Variants in WWOX observed in about 807,000 individuals in gnomAD.
The protein encoded by WWOX is WW domain-containing oxidoreductase.
In WWOX, 69 loss-of-function variants were observed where a neutral mutation model predicts 46.2. That is an observed-to-expected ratio of 1.49 (90% CI 1.23 to 1.82). WWOX has a LOEUF of 1.82. Ranked by LOEUF, WWOX falls within the 40% of genes most tolerant of loss-of-function variation. WWOX has a pLI of 0.00. For missense variants in WWOX, 919 were observed against 542.6 expected, an observed-to-expected ratio of 1.69 and a Z score of -6.89; for synonymous variants, 359 against 202.6, an observed-to-expected ratio of 1.77 and a Z score of -6.56.
At chr16:78,508,183 A>AT (rs35082651) in intron 8 of WWOX, among the ~76,000 whole-genome samples, 21 of 151,164 alleles carry the variant, frequency 1.4e-4, no homozygotes, top group East Asian at 3.9e-4. Context: ...TAATTTTTGT[A>AT]TTTTTTTAGT....
intron 8 of WWOX, among the ~76,000 whole-genome samples, chr16:78,975,172 A>C (rs150601135): frequency 2.9e-4 from 44 of 152,346 alleles, no homozygotes; most frequent in African/African-American, 9.4e-4. Context: ...TGTTTTACTT[A>C]GTTATGACTT....
At chr16:78,524,028 T>G (rs547844305) in intron 8 of WWOX, among the ~76,000 whole-genome samples, 9 of 152,160 alleles carry the variant, frequency 5.9e-5, no homozygotes, top group Middle Eastern at 3.4e-3. Flanking sequence ...GTGGATCACA[T>G]GGGAGCTTTC....
chr16:78,234,765 CA>C (rs1443207705), intron 5 of WWOX, among the ~76,000 whole-genome samples: 1 of 145,038 alleles, frequency 6.9e-6, no homozygotes, highest in Non-Finnish European at 1.5e-5. Flanking sequence ...AATAGAGGTA[CA>C]ATGATAAAAC....
At chr16:78,312,394 T>TTTTTTTTTAA (rs77756746) in intron 5 of WWOX, among the ~76,000 whole-genome samples, 1 of 151,350 alleles carries the variant, frequency 6.6e-6, no homozygotes, top group African/African-American at 2.4e-5. Context: ...TTTTTTTTTT[T>TTTTTTTTTAA]AAGACGGAGT....
At chr16:78,368,491 G>C (rs72796016) in intron 5 of WWOX, among the ~76,000 whole-genome samples, 8,078 of 152,204 alleles carry the variant, frequency 0.053, 280 homozygotes, top group East Asian at 0.12. Context: ...AAAGCTCTGG[G>C]CCACCCCATA....
At chr16:78,326,450 C>T (rs12102568) in intron 5 of WWOX, among the ~76,000 whole-genome samples, 7,037 of 151,886 alleles carry the variant, frequency 0.046, 250 homozygotes, top group African/African-American at 0.094. Context: ...ACGTTGTTAT[C>T]GCGCAAAGGA....
chr16:78,783,913 G>T (rs28620759), intron 8 of WWOX, among the ~76,000 whole-genome samples: 1 of 151,360 alleles, frequency 6.6e-6, no homozygotes, highest in Non-Finnish European at 1.5e-5. Flanking sequence ...CGATGGTGAT[G>T]ATGATGTCGA....
chr16:78,115,137 G>C lies in WWOX; in HGVS notation c.392G>C (p.Gly131Ala). The C allele has an allele frequency of 6.2e-7, 1 of 1,614,202 alleles. No individual in the cohort carries two copies. The highest frequency in any genetic ancestry group is 8.5e-7 in the Non-Finnish European group (1 of 1,180,036). ...ACTGGCAAAGTGGTTGTGGTCACTG[G>C]AGCTAATTCAGGAATAGGTAGGCTC... ...DFTGKVVVVT[G>A]ANSGIGFETA... Residue 131 changes from glycine to alanine, a missense_variant, in exon 4 of 9, where the codon GGA becomes GCA. Gly to Ala is a moderately conservative substitution (Grantham distance 60). Transcript: ENST00000566780.
chr16:78,547,484 C>T (rs756956287), intron 8 of WWOX, among the ~76,000 whole-genome samples: 3 of 152,184 alleles, frequency 2.0e-5, no homozygotes, highest in Non-Finnish European at 2.9e-5. Flanking sequence ...GTGCTCTAGA[C>T]ACTGTATTAG....
chr16:78,659,363 C>T (rs532686303), intron 8 of WWOX, among the ~76,000 whole-genome samples: 149 of 152,154 alleles, frequency 9.8e-4, no homozygotes, highest in Middle Eastern at 6.8e-3. Flanking sequence ...CGTCCCCAAG[C>T]GACAACATCA....
chr16:79,160,875 G>T (rs947784784), intron 8 of WWOX, among the ~76,000 whole-genome samples: 1 of 103,126 alleles, frequency 9.7e-6, no homozygotes, highest in African/African-American at 4.5e-5. Flanking sequence ...TACATAAATT[G>T]TGTACATACA....
Position 78,485,154 on chromosome 16 carries a change from T to C in WWOX, c.1056+52402T>C, listed in dbSNP as rs113083085. ...TTTACATGTACTTTAAAAAAAAAAA[T>C]TAATAAAGTTTATTTTTACAGTAAT... On this transcript the variant is annotated intron_variant, in intron 8 of 8. Coordinates refer to ENST00000566780, the MANE Select transcript of WWOX (RefSeq NM_016373.4). Among the ~76,000 whole-genome samples the C allele has an allele frequency of 1.0e-3, 152 of 152,176 alleles. 1 individual carries two copies. Among genetic ancestry groups the C allele is most frequent in the African/African-American group, 3.5e-3 (147 of 41,540 alleles).
At chr16:78,914,794 G>T (rs1485009074) in intron 8 of WWOX, among the ~76,000 whole-genome samples, 3 of 151,672 alleles carry the variant, frequency 2.0e-5, no homozygotes, top group Non-Finnish European at 2.9e-5. Flanking sequence ...CAGGAGAATG[G>T]CGTGAACCCA....
At chr16:78,665,611 G>T (rs2047312067) in intron 8 of WWOX, among the ~76,000 whole-genome samples, 1 of 152,044 alleles carries the variant, frequency 6.6e-6, no homozygotes. Flanking sequence ...CGATTGCCCT[G>T]TCAGGGTGGG....
chr16:78,444,491 G>C lies in WWOX; in HGVS notation c.1056+11739G>C, dbSNP rs546540289. Reference sequence around the variant, plus strand: ...TAAGAGAATGGATATTTTCATGTCAGAAATTATAGGAAGGATACAGTTATG... The same window carrying C: ...TAAGAGAATGGATATTTTCATGTCACAAATTATAGGAAGGATACAGTTATG... On this transcript the variant is annotated intron_variant, in intron 8 of 8. Coordinates refer to ENST00000566780, the MANE Select transcript of WWOX (RefSeq NM_016373.4). 3.3e-5 allele frequency among the ~76,000 whole-genome samples: 5 copies of C among 151,108 alleles called. No individual in the cohort carries two copies. In the South Asian group the frequency reaches 1.0e-3, roughly 32 times the overall value.
intron 8 of WWOX, among the ~76,000 whole-genome samples, chr16:78,528,952 C>G (rs1406393003): frequency 7.0e-6 from 1 of 143,622 alleles, no homozygotes; most frequent in Non-Finnish European, 1.5e-5. Context: ...TCTTTTCTTT[C>G]TTTCTTTCTT....
intron 5 of WWOX, among the ~76,000 whole-genome samples, chr16:78,301,333 A>G (rs2080037893): frequency 6.6e-6 from 1 of 152,140 alleles, no homozygotes; most frequent in African/African-American, 2.4e-5. Flanking sequence ...AGTTTTTTTC[A>G]GGGATCAGGG....
intron 8 of WWOX, among the ~76,000 whole-genome samples, chr16:78,585,171 C>T (rs1437079324): frequency 1.3e-5 from 2 of 152,196 alleles, no homozygotes; most frequent in African/African-American, 2.4e-5. Context: ...GTTCTGACCA[C>T]CCCCGGGCTA....
At chr16:78,657,603 C>G (rs950257692) in intron 8 of WWOX, among the ~76,000 whole-genome samples, 1 of 152,118 alleles carries the variant, frequency 6.6e-6, no homozygotes, top group African/African-American at 2.4e-5. Flanking sequence ...GCCTACTGGA[C>G]CTTTGTTTCT....
Sources: gnomAD v4.1 joint callset for allele counts (sites outside exome capture counted in the v4.1 genomes callset) on GRCh38, gnomAD v4.1.1 for gene constraint, MANE v1.5 for transcripts, NCBI Gene and HGNC (gene_info 2026-07-23, HGNC 2026-07-21) for gene names.